The following CCDC7 variants were observed in gnomAD, a reference collection of about 807,000 sequenced individuals.
CCDC7 encodes the protein coiled-coil domain-containing protein 7.
Under a neutral mutation model 196.9 loss-of-function variants are expected in CCDC7, and 183 were observed. The ratio of observed to expected loss-of-function variants is 0.93; its 90% CI spans 0.82 to 1.05. The LOEUF is 1.05. Among genes scored for constraint, CCDC7 ranks in the 50% least tolerant of loss-of-function variants. CCDC7 has a pLI of 0.00. For synonymous variants in CCDC7, 525 were observed against 484.6 expected (o/e 1.08, Z -1.10); for missense variants, 1,540 against 1,482.2 (o/e 1.04, Z -0.64).
At chr10:32,461,815 A>T (rs1416959016) in intron 3 of CCDC7, among the ~76,000 whole-genome samples, 11 of 147,020 alleles carry the variant, frequency 7.5e-5, no homozygotes, top group Non-Finnish European at 1.5e-4. Context: ...CTTGTTGCCC[A>T]GGCTGGAGTG....
intron 23 of CCDC7, among the ~76,000 whole-genome samples, chr10:32,693,668 T>A (rs1489153182): frequency 6.6e-6 from 1 of 152,100 alleles, no homozygotes; most frequent in South Asian, 2.1e-4. Flanking sequence ...GAAAAAAAAA[T>A]TGATTCCTAG....
At chr10:32,597,223 C>A (rs1021214033) in intron 18 of CCDC7, among the ~76,000 whole-genome samples, 1 of 152,140 alleles carries the variant, frequency 6.6e-6, no homozygotes, top group Non-Finnish European at 1.5e-5. Flanking sequence ...TTGTTCATTT[C>A]TTTTGACTCT....
intron 28 of CCDC7, among the ~76,000 whole-genome samples, chr10:32,744,470 G>A (rs755650154): frequency 2.2e-4 from 34 of 151,826 alleles, no homozygotes; most frequent in Admixed American, 2.6e-4. Context: ...GTTGCTACAC[G>A]TTCTTTTCTG....
chr10:32,881,499 A>G (rs895272377), downstream of CCDC7, among the ~76,000 whole-genome samples: 4 of 151,850 alleles, frequency 2.6e-5, no homozygotes, highest in African/African-American at 9.7e-5. Context: ...TGGTGCATGA[A>G]GCCTGAAACT....
rs142518887 is a variant in CCDC7 at position 32,556,503 on chromosome 10, A to T, written c.1135-9055A>T. Among the ~76,000 whole-genome samples the T allele has an allele frequency of 1.2e-3, 177 of 152,186 alleles. 1 individual carries two copies. The highest frequency in any genetic ancestry group is 4.0e-3 in the African/African-American group (167 of 41,544). ...GAGTTTTCTTATTTCTTTCGTCATC[A>T]TTTAACTTTCTTCTTCCTTTTATCC... On this transcript the variant is annotated intron_variant, in intron 13 of 41. Coordinates refer to ENST00000639629, the Ensembl canonical transcript of CCDC7.
intron 24 of CCDC7, among the ~76,000 whole-genome samples, chr10:32,698,397 A>C (rs772435056): frequency 2.0e-5 from 3 of 152,108 alleles, no homozygotes; most frequent in Non-Finnish European, 4.4e-5. Context: ...GTAATAATAA[A>C]CTTCTCTGAG....
chr10:32,690,975 C>A (rs1297213259), intron 23 of CCDC7, among the ~76,000 whole-genome samples: 1 of 152,144 alleles, frequency 6.6e-6, no homozygotes, highest in African/African-American at 2.4e-5. Context: ...ACTTCTTTTC[C>A]CCAGTTCCTG....
At chr10:32,648,700 G>T (rs1025314512) in intron 20 of CCDC7, among the ~76,000 whole-genome samples, 2 of 152,086 alleles carry the variant, frequency 1.3e-5, no homozygotes, top group Non-Finnish European at 2.9e-5. Context: ...TTTAATAATA[G>T]CCATTCTGAC....
At chr10:32,678,235 C>T (rs1208419565) in intron 21 of CCDC7, among the ~76,000 whole-genome samples, 2 of 151,986 alleles carry the variant, frequency 1.3e-5, no homozygotes, top group Non-Finnish European at 2.9e-5. Flanking sequence ...TTAAGAATCT[C>T]TTATTTGAGC....
In CCDC7 at chr10:32,647,475, T is replaced by TC. The variant is rs2067983228; in HGVS notation, c.2014+12318dup. Among the ~76,000 whole-genome samples the TC allele has an allele frequency of 5.6e-3, 37 of 6,640 alleles. No individual in the cohort carries two copies. In the Admixed American group the frequency reaches 0.084, roughly 15 times the overall value. 4.4% of individuals were successfully genotyped at this position (6,640 alleles called of 152,430 possible). ...CAGTGAGCTGAGATCGTGCCACTTT[T>TC]CTCCACAGCCTTACCAGCATCTGTA... On this transcript the variant is annotated intron_variant, in intron 20 of 41. Coordinates refer to ENST00000639629, the Ensembl canonical transcript of CCDC7.
At chr10:32,470,963 T>C (rs1482143721) in intron 5 of CCDC7, 101 bp from the exon 7 acceptor site, 2 of 1,172,888 alleles carry the variant, frequency 1.7e-6, no homozygotes, top group African/African-American at 3.1e-5. Context: ...AAGAAAAATA[T>C]AAAAATTACT....
At position 32,740,551 on chromosome 10, in the gene CCDC7, G is replaced by C. The variant is rs193139227; in HGVS notation, c.2905+11094G>C. Among the ~76,000 whole-genome samples, 26 of 152,274 alleles carry C rather than the reference G, an allele frequency of 1.7e-4. No individual in the cohort carries two copies. The East Asian group carries it at 5.0e-3, about 29-fold the overall frequency. ...CAACTACAGGACTTGACTATGTGCA[G>C]ATTTTGGCATATGTGTGTGAAGGGG... On this transcript the variant is annotated intron_variant, in intron 28 of 41. Coordinates refer to ENST00000639629, the Ensembl canonical transcript of CCDC7.
At chr10:32,502,881 G>A (rs1337506452) in intron 9 of CCDC7, among the ~76,000 whole-genome samples, 1 of 152,076 alleles carries the variant, frequency 6.6e-6, no homozygotes, top group East Asian at 1.9e-4. Flanking sequence ...CTTTGATTAA[G>A]TGTATTCCCA....
At chr10:32,638,037 T>C (rs1478148773) in intron 20 of CCDC7, among the ~76,000 whole-genome samples, 1 of 152,150 alleles carries the variant, frequency 6.6e-6, no homozygotes, top group Non-Finnish European at 1.5e-5. Context: ...TGTTTGTCTG[T>C]TATTGGTGTA....
intron 24 of CCDC7, among the ~76,000 whole-genome samples, chr10:32,709,164 C>A (rs2080356282): frequency 6.6e-6 from 1 of 151,954 alleles, no homozygotes; most frequent in Non-Finnish European, 1.5e-5. Context: ...AGTTCATGTC[C>A]TTTGTAGGGA....
At chr10:32,568,819 T>C (rs529900725) in intron 15 of CCDC7, among the ~76,000 whole-genome samples, 1 of 152,330 alleles carries the variant, frequency 6.6e-6, no homozygotes, top group African/African-American at 2.4e-5. Flanking sequence ...GTTTAAAAAA[T>C]TAGCCATGCC....
At chr10:32,878,894 G>T (rs1020232024), downstream of CCDC7, among the ~76,000 whole-genome samples, 1 of 152,130 alleles carries the variant, frequency 6.6e-6, no homozygotes, top group African/African-American at 2.4e-5. Flanking sequence ...GTCTGTTTTG[G>T]TATATAAATT....
chr10:32,595,889 T>G (rs184638125), intron 18 of CCDC7, among the ~76,000 whole-genome samples: 1 of 152,372 alleles, frequency 6.6e-6, no homozygotes, highest in East Asian at 1.9e-4. Context: ...CTATTTTGGT[T>G]GCTCTGTGGT....
chr10:32,476,536 TTGTGTGGATG>T (rs1256278623), intron 8 of CCDC7, among the ~76,000 whole-genome samples: 1 of 152,226 alleles, frequency 6.6e-6, no homozygotes, highest in African/African-American at 2.4e-5. Flanking sequence ...GTTCAGGTTT[TTGTGTGGATG>T]TAAGTTTTCA....
Sources: gnomAD v4.1 joint callset for allele counts (sites outside exome capture counted in the v4.1 genomes callset) on GRCh38, gnomAD v4.1.1 for gene constraint, MANE v1.5 for transcripts, NCBI Gene and HGNC (gene_info 2026-07-23, HGNC 2026-07-21) for gene names.